NEDD4L: variants seen among roughly 807,000 people sequenced by gnomAD.
NEDD4L encodes the protein NEDD4 like E3 ubiquitin protein ligase, also known as E3 ubiquitin-protein ligase NEDD4-like.
A neutral mutation model predicts 148.9 loss-of-function variants in NEDD4L; 54 were observed. The observed-to-expected ratio is 0.36, with a 90% CI of 0.29 to 0.45. The LOEUF (loss-of-function observed/expected upper bound fraction) is 0.45, where lower values mean the gene tolerates loss of function less well. Ranked by LOEUF, NEDD4L falls within the 20% of genes least tolerant of loss-of-function variation. The pLI is 1.00. For synonymous variants in NEDD4L, 433 were observed against 440.7 expected, an observed-to-expected ratio of 0.98 and a Z score of 0.22; for missense variants, 856 against 1,233.8, an observed-to-expected ratio of 0.69 and a Z score of 4.59.
At chr18:58,083,484 G>A (rs1461650458) in intron 1 of NEDD4L, among the ~76,000 whole-genome samples, 5 of 152,092 alleles carry the variant, frequency 3.3e-5, no homozygotes, top group African/African-American at 2.4e-5. Flanking sequence ...TCAGGAGATC[G>A]AGACCATCCT....
chr18:58,250,846 C>T (rs764528098), intron 4 of NEDD4L, among the ~76,000 whole-genome samples: 70 of 152,160 alleles, frequency 4.6e-4, no homozygotes, highest in Non-Finnish European at 8.5e-4. Context: ...TAAATGAGAA[C>T]ATGTAGCTCT....
At chr18:58,283,570 C>T (rs1345490536) in intron 5 of NEDD4L, among the ~76,000 whole-genome samples, 3 of 152,142 alleles carry the variant, frequency 2.0e-5, no homozygotes, top group Non-Finnish European at 4.4e-5. Context: ...CCTTAGTCCA[C>T]CTAAATGATC....
chr18:58,047,667 T>C (rs1486750590), intron 1 of NEDD4L, among the ~76,000 whole-genome samples: 1 of 152,220 alleles, frequency 6.6e-6, no homozygotes, highest in Admixed American at 6.5e-5. Flanking sequence ...AACCATCAGA[T>C]GAAGGACTTT....
intron 2 of NEDD4L, among the ~76,000 whole-genome samples, chr18:58,209,081 A>G (rs2042248038): frequency 1.3e-5 from 2 of 151,494 alleles, no homozygotes; most frequent in African/African-American, 4.9e-5. Flanking sequence ...AAGAGTGAAA[A>G]CCTAACAATG....
At chr18:58,313,400 A>C (rs1278095929) in intron 5 of NEDD4L, among the ~76,000 whole-genome samples, 1 of 152,184 alleles carries the variant, frequency 6.6e-6, no homozygotes, top group Non-Finnish European at 1.5e-5. Flanking sequence ...AGGTAGTGTA[A>C]AGATAACATA....
intron 2 of NEDD4L, among the ~76,000 whole-genome samples, chr18:58,180,294 G>A (rs947983904): frequency 6.6e-6 from 1 of 152,146 alleles, no homozygotes; most frequent in Non-Finnish European, 1.5e-5. Flanking sequence ...GGCCAGTGCT[G>A]CTGATCTGTC....
At chr18:58,272,147 A>G (rs1433424980) in intron 5 of NEDD4L, among the ~76,000 whole-genome samples, 2 of 152,212 alleles carry the variant, frequency 1.3e-5, no homozygotes, top group East Asian at 1.9e-4. Flanking sequence ...AAGATCATGG[A>G]AAGTTTGTCT....
intron 1 of NEDD4L, among the ~76,000 whole-genome samples, chr18:58,112,420 T>C (rs2085478775): frequency 6.6e-6 from 1 of 151,010 alleles, no homozygotes; most frequent in African/African-American, 2.4e-5. Flanking sequence ...TTTTGCCTAC[T>C]TCAGTTTGGT....
At chr18:58,391,410 C>A in intron 29 of NEDD4L, 77 bp from the exon 30 acceptor site, 2 of 1,176,100 alleles carry the variant, frequency 1.7e-6, no homozygotes, top group African/African-American at 1.5e-5. Context: ...CTGACAGTAG[C>A]TGGACTGCAG....
At chr18:58,349,356 A>G (rs1251155765) in intron 16 of NEDD4L, among the ~76,000 whole-genome samples, 181 bp from the exon 17 acceptor site, 1 of 152,136 alleles carries the variant, frequency 6.6e-6, no homozygotes, top group East Asian at 1.9e-4. Flanking sequence ...GGAAGAGTAC[A>G]GTCTGTCTCG....
chr18:58,165,691 C>T, intron 1 of NEDD4L, 97 bp from the exon 2 acceptor site: 1 of 1,511,382 alleles, frequency 6.6e-7, no homozygotes, highest in Non-Finnish European at 9.1e-7. Context: ...TATCCCAATA[C>T]TGGACTGAGT....
chr18:58,077,484 A>T (rs548180697), intron 1 of NEDD4L, among the ~76,000 whole-genome samples: 30 of 152,290 alleles, frequency 2.0e-4, no homozygotes, highest in Admixed American at 6.5e-4. Flanking sequence ...AGACATCGGT[A>T]CAGTACAGTC....
chr18:58,105,644 T>C (rs1290121877), intron 1 of NEDD4L, among the ~76,000 whole-genome samples: 1 of 152,206 alleles, frequency 6.6e-6, no homozygotes, highest in East Asian at 1.9e-4. Context: ...CTTATTTATA[T>C]TGTGAAAATG....
At chr18:58,131,149 A>T (rs574941559) in intron 1 of NEDD4L, among the ~76,000 whole-genome samples, 43 of 135,128 alleles carry the variant, frequency 3.2e-4, no homozygotes, top group Middle Eastern at 5.4e-3. Context: ...GTTGGTTGTG[A>T]TCTAGCGGAA....
chr18:58,295,338 G>A (rs920243488), intron 5 of NEDD4L, among the ~76,000 whole-genome samples: 3 of 152,082 alleles, frequency 2.0e-5, no homozygotes, highest in Admixed American at 1.3e-4. Flanking sequence ...GCCTCTTCTG[G>A]GATATCATGA....
intron 1 of NEDD4L, among the ~76,000 whole-genome samples, chr18:58,048,742 G>T (rs1040174135): frequency 2.0e-5 from 3 of 152,132 alleles, no homozygotes; most frequent in Non-Finnish European, 4.4e-5. Flanking sequence ...CATGAAAATG[G>T]TAAAAATCTG....
At chr18:58,091,463 A>T (rs561855500) in intron 1 of NEDD4L, 3 of 152,328 alleles carry the variant, frequency 2.0e-5, no homozygotes, top group Admixed American at 1.3e-4. Context: ...ACATTTCCTG[A>T]TGGGGGCTGG....
intron 2 of NEDD4L, among the ~76,000 whole-genome samples, chr18:58,239,391 A>G (rs2046381110): frequency 6.6e-6 from 1 of 152,220 alleles, no homozygotes; most frequent in Admixed American, 6.5e-5. Flanking sequence ...ATCTTGGAAG[A>G]ACACCTCTAT....
At chr18:58,351,378 A>G (rs751381244) in intron 18 of NEDD4L, among the ~76,000 whole-genome samples, 9 of 152,246 alleles carry the variant, frequency 5.9e-5, no homozygotes, top group Non-Finnish European at 8.8e-5. Flanking sequence ...AAATAAGATT[A>G]GAAATGATGA....
Sources: gnomAD v4.1 joint callset for allele counts (sites outside exome capture counted in the v4.1 genomes callset) on GRCh38, gnomAD v4.1.1 for gene constraint, MANE v1.5 for transcripts, NCBI Gene and HGNC (gene_info 2026-07-23, HGNC 2026-07-21) for gene names.